HLCS: variants seen among roughly 807,000 people sequenced by gnomAD.
The protein encoded by HLCS is biotin--protein ligase.
A neutral mutation model predicts 75.0 loss-of-function variants in HLCS; 53 were observed. The observed-to-expected ratio is 0.71, with a 90% CI of 0.57 to 0.89. HLCS has a LOEUF of 0.89. Among genes scored for constraint, HLCS ranks in the 40% least tolerant of loss-of-function variants. HLCS has a pLI of 0.00. For synonymous variants in HLCS, 431 were observed against 428.6 expected (o/e 1.01, Z -0.07); for missense variants, 966 against 1,074.0 (o/e 0.90, Z 1.41).
chr21:36,782,134 G>A (rs1205165726), intron 6 of HLCS, among the ~76,000 whole-genome samples: 8 of 151,802 alleles, frequency 5.3e-5, no homozygotes, highest in Admixed American at 5.2e-4. Context: ...TTTTTATACT[G>A]TCTTTAACAG....
At chr21:36,953,214 A>G (rs1020693977) in intron 2 of HLCS, among the ~76,000 whole-genome samples, 1 of 152,156 alleles carries the variant, frequency 6.6e-6, no homozygotes, top group Non-Finnish European at 1.5e-5. Flanking sequence ...CTCCCACCCC[A>G]GCCTCTCAAG....
chr21:36,930,348 T>C lies in HLCS; in HGVS notation c.1523A>G (p.Tyr508Cys). 1.2e-6 allele frequency: 2 copies of C among 1,614,114 alleles called. No homozygotes were observed. The highest frequency in any genetic ancestry group is 1.7e-6 in the Non-Finnish European group (2 of 1,179,978). ...NLLKSSNFRR[Y>C]EVLREILTTL... ...TGTCAGAATCTCTCTAAGGACTTCG[T>C]ATCTTCTAAAATTGCTTGACTTGAG... Residue 508 changes from tyrosine (Y) to cysteine (C), a missense_variant, in exon 5 of 11, where the codon TAC (tyrosine) becomes TGC (cysteine). Physicochemically the swap from Tyr to Cys is radical, Grantham distance 194 (BLOSUM62 -2). Coordinates refer to ENST00000674895, the MANE Select transcript of HLCS (RefSeq NM_001352514.2).
In HLCS at chr21:36,834,567, T is replaced by C. The variant is rs1206139976; in HGVS notation, c.1892+62293A>G. 4.6e-5 allele frequency among the ~76,000 whole-genome samples: 7 copies of C among 152,256 alleles called. No homozygotes were observed. In the South Asian group the frequency reaches 1.5e-3, roughly 32 times the overall value. On this transcript the variant is annotated intron_variant, in intron 6 of 10. Transcript: ENST00000674895. ...GAAGAGACTCTTCCAGCAAACACTT[T>C]TTTTTTTGAGACGGAGTCTCACTCT...
chr21:36,825,329 A>G (rs1223036633), intron 6 of HLCS, among the ~76,000 whole-genome samples: 1 of 152,154 alleles, frequency 6.6e-6, no homozygotes, highest in African/African-American at 2.4e-5. Context: ...TCACAGCTGC[A>G]GTAAGTCAAG....
At chr21:36,789,923 C>T (rs939641022) in intron 6 of HLCS, among the ~76,000 whole-genome samples, 3 of 152,096 alleles carry the variant, frequency 2.0e-5, no homozygotes, top group Non-Finnish European at 4.4e-5. Context: ...TGTATCTGAT[C>T]ATTTCTTAAG....
intron 5 of HLCS, among the ~76,000 whole-genome samples, chr21:36,904,224 A>G (rs1233359595): frequency 6.6e-6 from 1 of 152,248 alleles, no homozygotes; most frequent in Non-Finnish European, 1.5e-5. Flanking sequence ...TTGGCAAAGT[A>G]AGTCAACCTG....
At chr21:36,821,863 T>G (rs2061852199) in intron 6 of HLCS, among the ~76,000 whole-genome samples, 1 of 151,386 alleles carries the variant, frequency 6.6e-6, no homozygotes, top group African/African-American at 2.4e-5. Flanking sequence ...GACTTGTGGC[T>G]AAAATGGAGA....
chr21:36,937,324 G>C lies in HLCS; in HGVS notation c.562C>G (p.Leu188Val), dbSNP rs931337762. The change falls in exon 4 of 11, where the codon CTA becomes GTA. Residue 188 changes from leucine to valine, a missense_variant. Transcript: ENST00000674895. ...DQVSNKQAQI[L>V]EPKPEPSLEI... Reference sequence around the variant, plus strand: ...AGAGAAGGTTCAGGCTTCGGCTCTAGGATCTGGGCTTGCTTGTTTGAGACC... The same window carrying C: ...AGAGAAGGTTCAGGCTTCGGCTCTACGATCTGGGCTTGCTTGTTTGAGACC... 6.2e-7 allele frequency: 1 copy of C among 1,614,096 alleles called. No homozygotes were observed. The highest frequency in any genetic ancestry group is 1.3e-5 in the African/African-American group (1 of 75,042).
At chr21:36,968,261 G>T (rs997746707), upstream of HLCS, among the ~76,000 whole-genome samples, 1 of 152,118 alleles carries the variant, frequency 6.6e-6, no homozygotes, top group African/African-American at 2.4e-5. Context: ...CAAAGTGCTG[G>T]GATTACAAGT....
intron 1 of HLCS, among the ~76,000 whole-genome samples, chr21:36,976,151 A>C (rs1881686158): frequency 6.6e-6 from 1 of 152,188 alleles, no homozygotes; most frequent in South Asian, 2.1e-4. Context: ...AGAGTGGCAG[A>C]AGGTTCAAGG....
chr21:36,926,811 T>C (rs1260372493), intron 5 of HLCS, among the ~76,000 whole-genome samples: 2 of 147,100 alleles, frequency 1.4e-5, no homozygotes, highest in Admixed American at 7.1e-5. Context: ...GGCACAATCA[T>C]AGCTCACTAC....
chr21:36,809,201 G>A (rs894091295), intron 6 of HLCS, among the ~76,000 whole-genome samples: 13 of 150,492 alleles, frequency 8.6e-5, no homozygotes, highest in East Asian at 3.9e-4. Context: ...GCAACAGAGC[G>A]AGACCTCAAC....
chr21:36,941,743 G>A (rs997861285), intron 2 of HLCS, among the ~76,000 whole-genome samples: 3 of 152,184 alleles, frequency 2.0e-5, no homozygotes, highest in African/African-American at 7.2e-5. Flanking sequence ...GGTGTCTCAC[G>A]CCTGTAACCA....
At chr21:36,959,843 C>T (rs1055052187) in intron 2 of HLCS, among the ~76,000 whole-genome samples, 13 of 152,162 alleles carry the variant, frequency 8.5e-5, no homozygotes, top group East Asian at 3.9e-4. Context: ...CAGGACCCAC[C>T]GAATGGCAGT....
chr21:36,972,543 T>C (rs1205916056), intron 1 of HLCS, among the ~76,000 whole-genome samples: 2 of 152,216 alleles, frequency 1.3e-5, no homozygotes, highest in Non-Finnish European at 2.9e-5. Flanking sequence ...GTGAAACCTC[T>C]GATGGACAAT....
chr21:36,805,993 C>T (rs903317431), intron 6 of HLCS: 10 of 152,122 alleles, frequency 6.6e-5, no homozygotes, highest in African/African-American at 2.2e-4. Flanking sequence ...ACAATCATTC[C>T]GCTCAGGTTT....
At chr21:36,924,800 A>G (rs1005356483) in intron 5 of HLCS, among the ~76,000 whole-genome samples, 1 of 152,186 alleles carries the variant, frequency 6.6e-6, no homozygotes, top group African/African-American at 2.4e-5. Flanking sequence ...TGTACTTAGT[A>G]GGCACACAGA....
At chr21:36,774,464 T>C (rs138018533) in intron 6 of HLCS, among the ~76,000 whole-genome samples, 1 of 152,218 alleles carries the variant, frequency 6.6e-6, no homozygotes, top group Non-Finnish European at 1.5e-5. Context: ...TGAAATATGA[T>C]GGAATTTGCA....
In HLCS at chr21:36,891,649, A is replaced by C. The variant is rs1406506367; in HGVS notation, c.1892+5211T>G. Among the ~76,000 whole-genome samples, 3 of 152,200 alleles carry C rather than the reference A, an allele frequency of 2.0e-5. No homozygotes were observed. The East Asian group carries it at 5.8e-4, about 29-fold the overall frequency. Reference sequence around the variant, plus strand: ...TGTCTGTTAGAAGCTGTATCCTTACAGGAAACAGCTCTGAAAATTCAAAAT... The same window carrying C: ...TGTCTGTTAGAAGCTGTATCCTTACCGGAAACAGCTCTGAAAATTCAAAAT... On this transcript the variant is annotated intron_variant, in intron 6 of 10. Coordinates refer to ENST00000674895, the MANE Select transcript of HLCS (RefSeq NM_001352514.2).
Sources: allele counts gnomAD v4.1 joint callset (sites outside exome capture counted in the v4.1 genomes callset), GRCh38; gene constraint gnomAD v4.1.1; transcripts MANE v1.5; gene names NCBI Gene and HGNC (gene_info 2026-07-23, HGNC 2026-07-21).